Variants in KIAA1217 observed in about 807,000 individuals in gnomAD.
KIAA1217 encodes the protein sickle tail protein homolog.
A neutral mutation model predicts 163.9 loss-of-function variants in KIAA1217; 88 were observed. That is an observed-to-expected ratio of 0.54 (90% CI 0.45 to 0.64). The LOEUF is 0.64. Among genes scored for constraint, KIAA1217 ranks in the 30% least tolerant of loss-of-function variants. The pLI, the probability that KIAA1217 is intolerant of heterozygous loss-of-function variation, is 0.00. For missense variants in KIAA1217, 2,372 were observed against 2,475.0 expected (o/e 0.96, Z 0.88); for synonymous variants, 903 against 923.1 (o/e 0.98, Z 0.39).
At chr10:24,110,154 T>A (rs1164607573) in intron 2 of KIAA1217, among the ~76,000 whole-genome samples, 1 of 152,228 alleles carries the variant, frequency 6.6e-6, no homozygotes, top group African/African-American at 2.4e-5. Context: ...AAAATGGTGG[T>A]TCCTAATTCA....
chr10:23,980,747 T>C (rs1056000048), intron 1 of KIAA1217, among the ~76,000 whole-genome samples: 4 of 152,228 alleles, frequency 2.6e-5, no homozygotes, highest in African/African-American at 7.2e-5. Context: ...CAGCTCATCC[T>C]TGATGGCAAA....
At chr10:24,321,088 T>C (rs1320477724) in intron 2 of KIAA1217, among the ~76,000 whole-genome samples, 1 of 151,606 alleles carries the variant, frequency 6.6e-6, no homozygotes, top group Non-Finnish European at 1.5e-5. Flanking sequence ...AGGGGACAGC[T>C]GCCATGGAAA....
intron 1 of KIAA1217, among the ~76,000 whole-genome samples, chr10:23,769,989 C>T (rs1194920216): frequency 2.0e-5 from 3 of 152,208 alleles, no homozygotes; most frequent in African/African-American, 4.8e-5. Context: ...TAGGCATTTA[C>T]AAATTCAGGG....
chr10:24,373,440 T>C (rs1254192278), intron 2 of KIAA1217, among the ~76,000 whole-genome samples: 1 of 152,016 alleles, frequency 6.6e-6, no homozygotes, highest in African/African-American at 2.4e-5. Flanking sequence ...GTCTTCAGAG[T>C]GGCCTCTGTA....
chr10:23,754,933 A>C (rs1356203988), intron 1 of KIAA1217, among the ~76,000 whole-genome samples: 2 of 149,700 alleles, frequency 1.3e-5, no homozygotes, highest in Non-Finnish European at 1.5e-5. Flanking sequence ...GGAAGAATAA[A>C]ATCAAAGGAA....
chr10:24,520,955 G>C (rs1010925876), intron 11 of KIAA1217, among the ~76,000 whole-genome samples: 6 of 149,316 alleles, frequency 4.0e-5, no homozygotes, highest in African/African-American at 1.5e-4. Context: ...ACTTTGGGAG[G>C]CCAAGGCAGG....
At chr10:23,704,195 TATA>T (rs1836722607) in intron 1 of KIAA1217, among the ~76,000 whole-genome samples, 1 of 126,026 alleles carries the variant, frequency 7.9e-6, no homozygotes, top group Non-Finnish European at 1.7e-5. Flanking sequence ...TATATATATA[TATA>T]TATATATATA....
At chr10:23,818,050 C>CAT (rs1331715499) in intron 1 of KIAA1217, among the ~76,000 whole-genome samples, 9 of 106,352 alleles carry the variant, frequency 8.5e-5, no homozygotes, top group African/African-American at 4.2e-4. Flanking sequence ...TATATATACA[C>CAT]ATATATATAC....
chr10:23,722,296 A>G (rs7078279), intron 1 of KIAA1217, among the ~76,000 whole-genome samples: 5,855 of 152,260 alleles, frequency 0.038, 345 homozygotes, highest in African/African-American at 0.13. Context: ...TGGGGGTGAT[A>G]GGACTATGAC....
chr10:24,479,147 A>T lies in KIAA1217; in HGVS notation c.1679+5087A>T, dbSNP rs527691281. ...TTTGAGGCATGGTAGACTTAGCAGA[A>T]CCTTCTGTGTACAGGAGGAAGCCCA... On this transcript the variant is annotated intron_variant, in intron 6 of 20. Transcript: ENST00000376454. 4.1e-4 allele frequency among the ~76,000 whole-genome samples: 62 copies of T among 152,318 alleles called. No homozygotes were observed. In the South Asian group the frequency reaches 5.6e-3, roughly 14 times the overall value.
Position 24,543,152 on chromosome 10 carries a change from T to G in KIAA1217, c.3882T>G (p.Pro1294=). 6.2e-7 allele frequency: 1 copy of G among 1,613,100 alleles called. No individual in the cohort carries two copies. The highest frequency in any genetic ancestry group is 1.1e-5 in the South Asian group (1 of 91,006). The part of the protein sequence containing the change: ...SKISGLQYSI[P]DTENQTLNYG... ...TCTCAGGCCTGCAATACTCTATACC[T>G]GACACCGAGAACCAGACGCTGAATT... Residue 1294 remains proline (P), a synonymous_variant, in exon 19 of 21, where the codon CCT becomes CCG. Transcript: ENST00000376454.
At chr10:23,845,374 T>G (rs1170306222) in intron 1 of KIAA1217, among the ~76,000 whole-genome samples, 1 of 152,204 alleles carries the variant, frequency 6.6e-6, no homozygotes, top group Non-Finnish European at 1.5e-5. Context: ...GCATTCCTAT[T>G]TCTCCACATC....
chr10:24,132,056 T>A (rs775506253), intron 2 of KIAA1217, among the ~76,000 whole-genome samples: 2 of 152,170 alleles, frequency 1.3e-5, no homozygotes, highest in Non-Finnish European at 2.9e-5. Context: ...AAGCTACTTA[T>A]AACATATGGC....
intron 3 of KIAA1217, among the ~76,000 whole-genome samples, chr10:24,407,993 T>G (rs1216747801): frequency 6.6e-6 from 1 of 152,188 alleles, no homozygotes; most frequent in Non-Finnish European, 1.5e-5. Context: ...GAGCAAAATA[T>G]TATTTATATA....
At chr10:24,466,276 G>A (rs1045550826) in intron 5 of KIAA1217, among the ~76,000 whole-genome samples, 6 of 152,066 alleles carry the variant, frequency 3.9e-5, no homozygotes, top group African/African-American at 1.4e-4. Flanking sequence ...TCATTTCTCG[G>A]TGGCTGGTTG....
intron 1 of KIAA1217, among the ~76,000 whole-genome samples, chr10:23,933,290 T>C (rs1359606566): frequency 6.6e-6 from 1 of 152,118 alleles, no homozygotes; most frequent in Non-Finnish European, 1.5e-5. Flanking sequence ...CAGAGGACAA[T>C]GCCATCTTTA....
chr10:24,158,505 C>T, intron 2 of KIAA1217: 1 of 521,798 alleles, frequency 1.9e-6, no homozygotes, highest in African/African-American at 1.9e-5. Flanking sequence ...AAGCCTTAAC[C>T]AAAGATGGGA....
At chr10:23,851,893 A>C (rs1470398692) in intron 1 of KIAA1217, among the ~76,000 whole-genome samples, 1 of 151,348 alleles carries the variant, frequency 6.6e-6, no homozygotes, top group African/African-American at 2.4e-5. Context: ...GTTTGAGTTC[A>C]TTGTAGATTC....
At chr10:23,716,391 G>A (rs1279665388) in intron 1 of KIAA1217, among the ~76,000 whole-genome samples, 1 of 152,096 alleles carries the variant, frequency 6.6e-6, no homozygotes, top group Non-Finnish European at 1.5e-5. Context: ...GTTTGTGTGT[G>A]TATCTGTATT....
Sources: allele counts gnomAD v4.1 joint callset (sites outside exome capture counted in the v4.1 genomes callset), GRCh38; gene constraint gnomAD v4.1.1; transcripts MANE v1.5; gene names NCBI Gene and HGNC (gene_info 2026-07-23, HGNC 2026-07-21).